NPRL3: variants seen among roughly 807,000 people sequenced by gnomAD.
NPRL3 encodes GATOR1 complex protein NPRL3.
In NPRL3, 23 loss-of-function variants were observed where a neutral mutation model predicts 57.2. The ratio of observed to expected loss-of-function variants is 0.40; its 90% CI spans 0.29 to 0.57. The LOEUF (loss-of-function observed/expected upper bound fraction) is 0.57. NPRL3 is among the 20% of genes least tolerant of loss of function. NPRL3 has a pLI of 0.42. For missense variants in NPRL3, 691 were observed against 767.1 expected, an observed-to-expected ratio of 0.90 and a Z score of 1.17; for synonymous variants, 333 against 321.1, an observed-to-expected ratio of 1.04 and a Z score of -0.39.
chr16:123,680 G>T (rs1900377480), intron 3 of NPRL3: 1 of 409,432 alleles, frequency 2.4e-6, no homozygotes, highest in Admixed American at 2.8e-5. Context: ...ATTAACTGTT[G>T]ACCATCACGA....
intron 11 of NPRL3, among the ~76,000 whole-genome samples, chr16:91,977 T>A (rs1475216526): frequency 6.6e-6 from 1 of 152,106 alleles, no homozygotes; most frequent in Non-Finnish European, 1.5e-5. Flanking sequence ...GTGCACCAGT[T>A]CATCCCACAG....
At chr16:128,415 G>A (rs1370479290) in intron 3 of NPRL3, among the ~76,000 whole-genome samples, 1 of 152,190 alleles carries the variant, frequency 6.6e-6, no homozygotes, top group Non-Finnish European at 1.5e-5. Flanking sequence ...TGTTAATACT[G>A]TTTCAGTCTG....
chr16:99,793 C>T (rs1179072254), intron 8 of NPRL3, among the ~76,000 whole-genome samples: 1 of 151,198 alleles, frequency 6.6e-6, no homozygotes, highest in African/African-American at 2.4e-5. Context: ...ATTAGCCAGG[C>T]ATGGCAGTGG....
At chr16:122,771 G>A (rs1175945253) in intron 3 of NPRL3, among the ~76,000 whole-genome samples, 1 of 152,052 alleles carries the variant, frequency 6.6e-6, no homozygotes, top group Admixed American at 6.6e-5. Flanking sequence ...AAAAAGGGAT[G>A]GAAAGACATC....
At chr16:127,614 T>C (rs892578153) in intron 3 of NPRL3, among the ~76,000 whole-genome samples, 2 of 152,100 alleles carry the variant, frequency 1.3e-5, no homozygotes, top group Non-Finnish European at 2.9e-5. Context: ...CATATAGACA[T>C]TGAGCACCTG....
intron 7 of NPRL3, among the ~76,000 whole-genome samples, chr16:103,217 C>T (rs1235737847): frequency 6.7e-6 from 1 of 150,248 alleles, no homozygotes; most frequent in African/African-American, 2.5e-5. Context: ...TCTCCGCTCA[C>T]TGCAGCCTTG....
intron 9 of NPRL3, 102 bp from the exon 10 acceptor site, chr16:93,427 A>G: frequency 1.3e-6 from 1 of 749,752 alleles, no homozygotes; most frequent in South Asian, 1.5e-5. Context: ...CAGCCTGGAG[A>G]AGCTGGCCCC....
rs372639365 is a variant in NPRL3 at position 119,219 on chromosome 16, G to C, written c.225C>G (p.Thr75=). 2.0e-5 allele frequency: 33 copies of C among 1,611,048 alleles called. No homozygotes were observed. In the African/African-American group the frequency reaches 4.3e-4, roughly 21 times the overall value. ...ATTTTTGGCCACACATTTCAGACTTGGTTGCCAAAATTGTTGCCAGAATAA... is the reference window on the plus strand; with the variant it reads ...ATTTTTGGCCACACATTTCAGACTTCGTTGCCAAAATTGTTGCCAGAATAA... The part of the protein sequence containing the change: ...SDVILATILA[T]KSEMCGQKFE... The change falls in exon 4 of 14, where the codon ACC becomes ACG. Residue 75 remains threonine, a synonymous_variant. Transcript: ENST00000611875.
chr16:100,682 T>TA (rs1899243768), intron 7 of NPRL3, among the ~76,000 whole-genome samples, 173 bp from the exon 8 acceptor site: 1 of 141,104 alleles, frequency 7.1e-6, no homozygotes, highest in African/African-American at 2.5e-5. Flanking sequence ...GAAAAGAAAA[T>TA]ATGGGGGCCG....
intron 7 of NPRL3, among the ~76,000 whole-genome samples, chr16:101,000 A>AAAG: frequency 7.0e-6 from 1 of 142,060 alleles, no homozygotes; most frequent in Non-Finnish European, 1.5e-5. Flanking sequence ...AGGAAGAAGA[A>AAAG]GAAGAAAGAA....
At chr16:100,970 C>CAAAAAAAAAAAA (rs59640237) in intron 7 of NPRL3, among the ~76,000 whole-genome samples, 2,578 of 36,002 alleles carry the variant, frequency 0.072, 550 homozygotes, top group East Asian at 0.1. Flanking sequence ...GACTCTGTCT[C>CAAAAAAAAAAAA]AAAAAAAAAA....
chr16:111,097 ATAT>A (rs1899789140), intron 6 of NPRL3, among the ~76,000 whole-genome samples: 1 of 152,176 alleles, frequency 6.6e-6, no homozygotes, highest in Non-Finnish European at 1.5e-5. Flanking sequence ...AAACAGAAAC[ATAT>A]TATAAATTTT....
intron 6 of NPRL3, among the ~76,000 whole-genome samples, chr16:111,079 A>C (rs1899787975): frequency 6.6e-6 from 1 of 152,152 alleles, no homozygotes; most frequent in African/African-American, 2.4e-5. Flanking sequence ...TTAGTATATA[A>C]TTGGCCAAAA....
intron 6 of NPRL3, 73 bp from the exon 7 acceptor site, chr16:110,679 C>G: frequency 2.4e-6 from 3 of 1,264,340 alleles, no homozygotes; most frequent in Non-Finnish European, 3.4e-6. Context: ...TTCCAAGTAG[C>G]TGGGATTACA....
chr16:132,890 T>C (rs928992090), intron 2 of NPRL3, among the ~76,000 whole-genome samples: 2 of 152,196 alleles, frequency 1.3e-5, no homozygotes, highest in South Asian at 2.1e-4. Flanking sequence ...AGGATGGTCT[T>C]GATCTCCTGA....
intron 7 of NPRL3, among the ~76,000 whole-genome samples, chr16:101,266 A>G (rs553076618): frequency 6.6e-6 from 1 of 152,276 alleles, no homozygotes; most frequent in East Asian, 1.9e-4. Flanking sequence ...TCAGAGGGCG[A>G]GGAGGGCAGG....
At chr16:123,316 CT>C (rs1477829457) in intron 3 of NPRL3, among the ~76,000 whole-genome samples, 1 of 152,072 alleles carries the variant, frequency 6.6e-6, no homozygotes, top group Non-Finnish European at 1.5e-5. Flanking sequence ...AGCTAAATGA[CT>C]GGGTAGAGAA....
In NPRL3 at chr16:130,573, T is replaced by C. The variant is rs1900743130; in HGVS notation, c.137A>G (p.Tyr46Cys). 1.3e-6 allele frequency: 2 copies of C among 1,555,140 alleles called. No individual in the cohort carries two copies. Among genetic ancestry groups the C allele is most frequent in the Admixed American group, 1.9e-5 (1 of 51,452 alleles). The change falls in exon 3 of 14, where the codon TAC becomes TGC. Residue 46 changes from tyrosine to cysteine, a missense_variant. Tyr to Cys is a radical substitution (Grantham distance 194). Transcript: ENST00000611875. ...ATGGTCGCCCGTGTTGCTGGCAGCGTATCTGCTACGCGGCTTACCTGAGTC... is the reference window on the plus strand; with the variant it reads ...ATGGTCGCCCGTGTTGCTGGCAGCGCATCTGCTACGCGGCTTACCTGAGTC... ...ASQTSKPRSR[Y>C]AASNTGDHAD...
intron 2 of NPRL3, among the ~76,000 whole-genome samples, chr16:137,826 A>C (rs568023136): frequency 6.6e-6 from 1 of 151,878 alleles, no homozygotes; most frequent in East Asian, 1.9e-4. Context: ...CGGCCTCCCA[A>C]AGTGCTGGGA....
Sources: allele counts gnomAD v4.1 joint callset (sites outside exome capture counted in the v4.1 genomes callset), GRCh38; gene constraint gnomAD v4.1.1; transcripts MANE v1.5; gene names NCBI Gene and HGNC (gene_info 2026-07-23, HGNC 2026-07-21).